SHOC1: variants seen among roughly 807,000 people sequenced by gnomAD.
The protein encoded by SHOC1 is shortage in chiasmata 1.
SHOC1 carries 136 observed loss-of-function variants against 179.2 expected under a neutral mutation model. The ratio of observed to expected loss-of-function variants is 0.76; its 90% CI spans 0.66 to 0.87. The LOEUF (loss-of-function observed/expected upper bound fraction) is 0.87. Among genes scored for constraint, SHOC1 ranks in the 40% least tolerant of loss-of-function variants. The pLI, the probability that SHOC1 is intolerant of heterozygous loss-of-function variation, is 0.00. For synonymous variants in SHOC1, 489 were observed against 586.6 expected, an observed-to-expected ratio of 0.83 and a Z score of 2.41; for missense variants, 1,538 against 1,700.8, an observed-to-expected ratio of 0.90 and a Z score of 1.68.
chr9:111,687,968 A>T lies in SHOC1; in HGVS notation c.4427-1098T>A, dbSNP rs1002818239. 5.9e-5 allele frequency among the ~76,000 whole-genome samples: 9 copies of T among 152,296 alleles called. No individual in the cohort carries two copies. In the South Asian group the frequency reaches 1.7e-3, roughly 28 times the overall value. ...AGGCATGTCTGGAAAACAAATCTTTAACTCCAATTAAGGAGCTAAAGAATC... is the reference window on the plus strand; with the variant it reads ...AGGCATGTCTGGAAAACAAATCTTTTACTCCAATTAAGGAGCTAAAGAATC... On this transcript the variant is annotated intron_variant, in intron 27 of 27. Transcript: ENST00000682961.
rs766581259 is a variant in SHOC1 at position 111,707,944 on chromosome 9, T to G, written c.2489-20A>C. On this transcript the variant is annotated intron_variant, in intron 18 of 27. Transcript: ENST00000682961. ...TTAAACCTGTTGGAAAAAAGAATAA[T>G]TTTTTTCAGTGTCTTGTTCAGATAC... is the stretch of plus-strand genomic sequence containing the variant. 1.4e-6 allele frequency: 2 copies of G among 1,424,248 alleles called. No homozygotes were observed. The highest frequency in any genetic ancestry group is 1.9e-6 in the Non-Finnish European group (2 of 1,048,852). The allele number at this position is 1,424,248 out of a possible 1,614,324, so 88.2% of individuals were successfully genotyped here.
At chr9:111,717,004 A>G (rs1832821987) in intron 16 of SHOC1, among the ~76,000 whole-genome samples, 1 of 152,166 alleles carries the variant, frequency 6.6e-6, no homozygotes, top group South Asian at 2.1e-4. Flanking sequence ...CTCAGCTTCT[A>G]TAATAGATTG....
At chr9:111,759,426 T>G in intron 5 of SHOC1, 1 of 1,375,942 alleles carries the variant, frequency 7.3e-7, no homozygotes, top group East Asian at 2.5e-5. Flanking sequence ...TGATATAGCT[T>G]ATGTATTAAG....
intron 10 of SHOC1, 57 bp from the exon 11 acceptor site, chr9:111,741,627 A>C (rs1027370100): frequency 3.2e-6 from 3 of 924,026 alleles, no homozygotes; most frequent in East Asian, 2.9e-5. Context: ...TTGTATAATA[A>C]AATTTTATTT....
intron 5 of SHOC1, among the ~76,000 whole-genome samples, chr9:111,764,468 G>A (rs903071721): frequency 3.3e-5 from 5 of 152,120 alleles, no homozygotes; most frequent in African/African-American, 1.2e-4. Flanking sequence ...GTACAATAAA[G>A]AAATTATTGA....
At chr9:111,748,986 C>A (rs1205004669) in intron 8 of SHOC1, among the ~76,000 whole-genome samples, 1 of 138,254 alleles carries the variant, frequency 7.2e-6, no homozygotes, top group Non-Finnish European at 1.6e-5. Flanking sequence ...CCCTCCCTCC[C>A]TCCCTCCCTC....
chr9:111,778,607 A>G (rs1463556538), intron 4 of SHOC1, among the ~76,000 whole-genome samples: 1 of 151,852 alleles, frequency 6.6e-6, no homozygotes, highest in Non-Finnish European at 1.5e-5. Context: ...CATCTCTACT[A>G]AAAATACAAA....
chr9:111,691,070 A>C (rs1053881908), intron 27 of SHOC1, among the ~76,000 whole-genome samples: 3 of 152,254 alleles, frequency 2.0e-5, no homozygotes, highest in Admixed American at 2.0e-4. Flanking sequence ...TTAAATGTTC[A>C]GACAACTCAA....
At chr9:111,707,773 TA>T in intron 19 of SHOC1, 81 bp downstream of exon 19, 1 of 916,568 alleles carries the variant, frequency 1.1e-6, no homozygotes, top group Middle Eastern at 2.2e-4. Flanking sequence ...GTTAAATTTT[TA>T]AAGTTAACTT....
intron 12 of SHOC1, among the ~76,000 whole-genome samples, chr9:111,730,072 G>A (rs560516467): frequency 1.3e-5 from 2 of 152,216 alleles, no homozygotes; most frequent in Admixed American, 6.5e-5. Flanking sequence ...CTCCTCATTT[G>A]TTCAAGTTTT....
At position 111,744,664 on chromosome 9, in the gene SHOC1, T is replaced by G. The variant is rs147906896; in HGVS notation, c.1079+1570A>C. On this transcript the variant is annotated intron_variant, in intron 10 of 27. Transcript: ENST00000682961. ...CCTGGAATAATTCATTAGAGACTTGTAGACTTTACTGTCATCTTCCTGAAA... is the reference window on the plus strand; with the variant it reads ...CCTGGAATAATTCATTAGAGACTTGGAGACTTTACTGTCATCTTCCTGAAA... Among the ~76,000 whole-genome samples the G allele has an allele frequency of 1.2e-3, 180 of 152,320 alleles. 1 individual carries two copies. The highest frequency in any genetic ancestry group is 3.7e-3 in the African/African-American group (155 of 41,574).
chr9:111,791,722 G>A (rs1284827466), intron 1 of SHOC1, among the ~76,000 whole-genome samples: 2 of 152,200 alleles, frequency 1.3e-5, no homozygotes, highest in East Asian at 1.9e-4. Context: ...TTGCAAAAGA[G>A]GTTGAAATTT....
intron 5 of SHOC1, among the ~76,000 whole-genome samples, chr9:111,775,246 T>C (rs1835785259): frequency 6.6e-6 from 1 of 152,046 alleles, no homozygotes; most frequent in South Asian, 2.1e-4. Flanking sequence ...CTACCCACCT[T>C]GGCCTCCCGA....
chr9:111,696,073 T>C (rs934385765), intron 24 of SHOC1, among the ~76,000 whole-genome samples: 1 of 152,138 alleles, frequency 6.6e-6, no homozygotes, highest in African/African-American at 2.4e-5. Context: ...ATGGCTAGAT[T>C]TGGGAATTCA....
chr9:111,687,466 G>A (rs1831227920), intron 27 of SHOC1, among the ~76,000 whole-genome samples: 1 of 151,962 alleles, frequency 6.6e-6, no homozygotes, highest in South Asian at 2.1e-4. Context: ...AATCTCCCTT[G>A]GTTTCAATTT....
intron 7 of SHOC1, among the ~76,000 whole-genome samples, chr9:111,756,861 T>C (rs1834884925): frequency 6.6e-6 from 1 of 152,156 alleles, no homozygotes; most frequent in Non-Finnish European, 1.5e-5. Flanking sequence ...GAATAGATCT[T>C]TACTGTGATC....
intron 2 of SHOC1, among the ~76,000 whole-genome samples, chr9:111,788,185 A>G (rs554368778): frequency 2.1e-3 from 303 of 146,732 alleles, no homozygotes; most frequent in African/African-American, 7.4e-3. Context: ...TCCAGCCTGG[A>G]TGACACAGCG....
intron 27 of SHOC1, among the ~76,000 whole-genome samples, chr9:111,691,350 C>T (rs1831412291): frequency 6.6e-6 from 1 of 152,088 alleles, no homozygotes; most frequent in Admixed American, 6.5e-5. Context: ...AATGCTTAGT[C>T]CACTTAAGGT....
At chr9:111,758,583 A>T in intron 6 of SHOC1, 112 bp downstream of exon 6, 1 of 1,036,720 alleles carries the variant, frequency 9.6e-7, no homozygotes, top group Admixed American at 2.9e-5. Flanking sequence ...AGCAAGACTC[A>T]TCTCAAAACA....
Sources: gnomAD v4.1 joint callset for allele counts (sites outside exome capture counted in the v4.1 genomes callset) on GRCh38, gnomAD v4.1.1 for gene constraint, MANE v1.5 for transcripts, NCBI Gene and HGNC (gene_info 2026-07-23, HGNC 2026-07-21) for gene names.